Variants in CNTRL observed in about 807,000 individuals in gnomAD.
The protein encoded by CNTRL is 110 kDa centrosomal protein.
CNTRL carries 233 observed loss-of-function variants against 303.7 expected under a neutral mutation model. The observed-to-expected ratio is 0.77, with a 90% CI of 0.69 to 0.86. CNTRL has a LOEUF of 0.86. Among genes scored for constraint, CNTRL ranks in the 40% least tolerant of loss-of-function variants. CNTRL has a pLI of 0.00. For missense variants in CNTRL, 2,524 were observed against 2,650.6 expected, an observed-to-expected ratio of 0.95 and a Z score of 1.05; for synonymous variants, 900 against 922.2, an observed-to-expected ratio of 0.98 and a Z score of 0.44.
In CNTRL at chr9:121,177,367, A is replaced by G; in HGVS notation, c.*181A>G. The G allele has an allele frequency of 3.9e-6, 2 of 511,312 alleles. No individual in the cohort carries two copies. The highest frequency in any genetic ancestry group is 3.3e-5 in the East Asian group (1 of 30,256). 31.7% of individuals were successfully genotyped at this position (511,312 alleles called of 1,614,324 possible). On this transcript the variant is annotated 3_prime_UTR_variant, in exon 44 of 44. Coordinates refer to ENST00000373855, the MANE Select transcript of CNTRL (RefSeq NM_007018.6). ...ATGTTTTTATAAATCACTTGTACAT[A>G]GTACATATGGGAATAGTTGCATATG...
rs543170814 is a variant in CNTRL at position 121,122,704 on chromosome 9, CT to C, written c.1651-1226del. On this transcript the variant is annotated intron_variant, in intron 12 of 43. Coordinates refer to ENST00000373855, the MANE Select transcript of CNTRL (RefSeq NM_007018.6). ...TTTGATGGATCTGAAATTCAGTTTT[CT>C]CATGTTTAAAAGGAAGGGTTAGACT... is the stretch of plus-strand genomic sequence containing the variant. Among the ~76,000 whole-genome samples, 384 of 152,210 alleles carry C rather than the reference CT, an allele frequency of 2.5e-3. 1 individual carries two copies. The highest frequency in any genetic ancestry group is 4.3e-3 in the Non-Finnish European group (295 of 68,006).
At position 121,104,088 on chromosome 9, in the gene CNTRL, C is replaced by T. The variant is rs111999255; in HGVS notation, c.809-3714C>T. On this transcript the variant is annotated intron_variant, in intron 7 of 43. Coordinates refer to ENST00000373855, the MANE Select transcript of CNTRL (RefSeq NM_007018.6). ...GACACACGCACACATATGTTTATTG[C>T]GGCACTATTCACAATAGCGAAGACT... Among the ~76,000 whole-genome samples the T allele has an allele frequency of 1.2e-3, 185 of 152,252 alleles. 1 individual carries two copies. Among genetic ancestry groups the T allele is most frequent in the East Asian group, 3.1e-3 (16 of 5,186 alleles).
At chr9:121,105,270 AAGAT>A (rs1393764719) in intron 7 of CNTRL, among the ~76,000 whole-genome samples, 1 of 152,220 alleles carries the variant, frequency 6.6e-6, no homozygotes, top group Admixed American at 6.5e-5. Flanking sequence ...GTGGAAATGA[AAGAT>A]AGATGGATCA....
chr9:121,175,051 G>T lies in CNTRL; in HGVS notation c.6781G>T (p.Glu2261Ter). The change falls in exon 43 of 44, where the codon GAA becomes TAA. Residue 2261 changes from glutamate to a stop codon, truncating the protein, a stop_gained. Coordinates refer to ENST00000373855, the MANE Select transcript of CNTRL (RefSeq NM_007018.6). LOFTEE classifies it high-confidence loss of function. Reference sequence around the variant, plus strand: ...CCGACACTGTATGTCCAAGCAAGCAGAAGTATTAATTAAAGGAAAGCGGCA... The same window carrying T: ...CCGACACTGTATGTCCAAGCAAGCATAAGTATTAATTAAAGGAAAGCGGCA... ...QLRHCMSKQA[E>*]VLIKGKRQTE... 6.2e-7 allele frequency: 1 copy of T among 1,613,812 alleles called. No individual in the cohort carries two copies. Among genetic ancestry groups the T allele is most frequent in the Non-Finnish European group, 8.5e-7 (1 of 1,179,934 alleles).
chr9:121,131,928 A>C (rs1329462564), intron 14 of CNTRL, among the ~76,000 whole-genome samples: 1 of 152,160 alleles, frequency 6.6e-6, no homozygotes, highest in Non-Finnish European at 1.5e-5. Context: ...CTGGGTTGAA[A>C]ATTATTTTCT....
Position 121,075,087 on chromosome 9 carries a change from G to A in CNTRL, c.-205+20G>A, listed in dbSNP as rs2047856839. Reference sequence around the variant, plus strand: ...TAGGCGGTGAGCGTCAGACCTGGCCGAGCCCGTTCCCCGGCATCCGGCCCG... The same window carrying A: ...TAGGCGGTGAGCGTCAGACCTGGCCAAGCCCGTTCCCCGGCATCCGGCCCG... On this transcript the variant is annotated intron_variant, in intron 1 of 43. Transcript: ENST00000373855. The A allele has an allele frequency of 5.2e-6, 2 of 382,334 alleles. No individual in the cohort carries two copies. Among genetic ancestry groups the A allele is most frequent in the African/African-American group, 2.1e-5 (1 of 47,926 alleles). The allele number at this position is 382,334 out of a possible 1,614,324, so 23.7% of individuals were successfully genotyped here.
Position 121,150,218 on chromosome 9 carries a change from A to G in CNTRL, c.3698A>G (p.Gln1233Arg), listed in dbSNP as rs1447640941. The stretch of plus-strand genomic sequence containing the variant: ...CAGGAAGAGAGTGAGCTGGATGACC[A>G]AGAAGAACCCCCATTTGTGCCTCCT... ...DSQEESELDD[Q>R]EEPPFVPPPG... The change falls in exon 25 of 44, where the codon CAA becomes CGA. Residue 1233 changes from glutamine to arginine, a missense_variant. Coordinates refer to ENST00000373855, the MANE Select transcript of CNTRL (RefSeq NM_007018.6). 6.2e-7 allele frequency: 1 copy of G among 1,613,906 alleles called. No individual in the cohort carries two copies. Among genetic ancestry groups the G allele is most frequent in the East Asian group, 2.2e-5 (1 of 44,858 alleles).
intron 8 of CNTRL, chr9:121,110,944 C>T (rs1157587387): frequency 1.3e-5 from 2 of 152,088 alleles, no homozygotes; most frequent in African/African-American, 2.4e-5. Flanking sequence ...CACAAAAGTA[C>T]TTTGAAATGC....
intron 2 of CNTRL, among the ~76,000 whole-genome samples, chr9:121,085,312 A>T (rs1464904459): frequency 6.6e-6 from 1 of 152,174 alleles, no homozygotes; most frequent in East Asian, 1.9e-4. Flanking sequence ...CTGTTTCTTT[A>T]CCTGGATGCT....
In CNTRL at chr9:121,150,438, C is replaced by G; in HGVS notation, c.3918C>G (p.Ile1306Met). Residue 1306 changes from isoleucine (I) to methionine (M), a missense_variant, in exon 25 of 44, where the codon ATC becomes ATG. Transcript: ENST00000373855. ...PPPPNFSIPF[I>M]PMGVLHCNVP... ...CCCCCAACTTCTCCATCCCCTTCAT[C>G]CCTATGGGTGTGCTGCATTGCAACG... is the stretch of plus-strand genomic sequence containing the variant. 1 of 1,614,190 alleles carries G rather than the reference C, an allele frequency of 6.2e-7. No individual in the cohort carries two copies. Among genetic ancestry groups the G allele is most frequent in the Non-Finnish European group, 8.5e-7 (1 of 1,180,034 alleles).
chr9:121,168,464 C>T, intron 38 of CNTRL, 143 bp downstream of exon 38: 1 of 660,310 alleles, frequency 1.5e-6, no homozygotes, highest in South Asian at 2.0e-5. Context: ...GTATGATAGC[C>T]CTGTGAAAGA....
Position 121,074,976 on chromosome 9 carries a change from T to C in CNTRL, c.-296T>C, listed in dbSNP as rs1396947872. Reference sequence around the variant, plus strand: ...CGGCAACCGGCACAACACAACAAAATGGCTGCCGCGCCGCTGGGCCCCTGA... The same window carrying C: ...CGGCAACCGGCACAACACAACAAAACGGCTGCCGCGCCGCTGGGCCCCTGA... On this transcript the variant is annotated 5_prime_UTR_variant, in exon 1 of 44. It removes an upstream start codon present in the reference 5' UTR. Coordinates refer to ENST00000373855, the MANE Select transcript of CNTRL (RefSeq NM_007018.6). 1 of 455,850 alleles carries C rather than the reference T, an allele frequency of 2.2e-6. No individual in the cohort carries two copies. The highest frequency in any genetic ancestry group is 2.3e-5 in the Admixed American group (1 of 42,558). 28.2% of individuals were successfully genotyped at this position (455,850 alleles called of 1,614,324 possible).
At position 121,138,675 on chromosome 9, in the gene CNTRL, T is replaced by C; in HGVS notation, c.2333T>C (p.Leu778Ser). 1 of 1,613,254 alleles carries C rather than the reference T, an allele frequency of 6.2e-7. No homozygotes were observed. The highest frequency in any genetic ancestry group is 8.5e-7 in the Non-Finnish European group (1 of 1,179,588). ...GAGCTCCATGCAAAACTTAAACACT[T>C]GCAGGTAGAGATTTGTTGTTTTAGA... ...NSELHAKLKHLQDDNNLLKQQ... is the reference protein window; with the variant it reads ...NSELHAKLKHSQDDNNLLKQQ... Residue 778 changes from leucine to serine, a missense_variant, in exon 16 of 44, where the codon TTG becomes TCG. Coordinates refer to ENST00000373855, the MANE Select transcript of CNTRL (RefSeq NM_007018.6).
intron 37 of CNTRL, 79 bp downstream of exon 37, chr9:121,167,756 G>T: frequency 7.8e-7 from 1 of 1,287,896 alleles, no homozygotes; most frequent in Admixed American, 2.0e-5. Flanking sequence ...GCAGAAAGCT[G>T]CTGAGAAATA....
chr9:121,076,361 C>T (rs1395177080), intron 1 of CNTRL, among the ~76,000 whole-genome samples: 1 of 151,956 alleles, frequency 6.6e-6, no homozygotes, highest in East Asian at 1.9e-4. Flanking sequence ...AGAGGGGATT[C>T]AGGCTTTTAA....
Position 121,154,644 on chromosome 9 carries a change from T to G in CNTRL, c.4173-77T>G, listed in dbSNP as rs1262670188. ...TAAAATTAGAAAATCATTGTAGATC[T>G]TTTTAGTAGTTAGGCTACAAGTATC... On this transcript the variant is annotated intron_variant, in intron 26 of 43. Transcript: ENST00000373855. 4.8e-5 allele frequency: 39 copies of G among 811,384 alleles called. No homozygotes were observed. In the Admixed American group the frequency reaches 9.9e-4, roughly 21 times the overall value. The allele number at this position is 811,384 out of a possible 1,614,324, so 50.3% of individuals were successfully genotyped here. A position where few individuals can be genotyped will look rare whatever the true frequency, so the allele number is the denominator to read the frequency against.
intron 7 of CNTRL, among the ~76,000 whole-genome samples, chr9:121,103,322 G>A (rs980839754): frequency 6.6e-5 from 10 of 152,322 alleles, no homozygotes; most frequent in African/African-American, 2.4e-4. Context: ...TTAATAAATG[G>A]TGATGGGAAA....
intron 1 of CNTRL, among the ~76,000 whole-genome samples, chr9:121,079,416 C>G (rs1437463371): frequency 6.6e-6 from 1 of 152,052 alleles, no homozygotes; most frequent in Non-Finnish European, 1.5e-5. Context: ...GCCTGTAATC[C>G]TAACACTTTG....
chr9:121,158,893 G>A lies in CNTRL; in HGVS notation c.4803G>A (p.Arg1601=). Residue 1601 remains arginine (R), a synonymous_variant, in exon 31 of 44, where the codon AGG becomes AGA. Transcript: ENST00000373855. Reference sequence around the variant, plus strand: ...AGCAGGAGATGGCTGTCTTGGACAGGCAGTTAGGGCATAAAAAGGAGGAGC... The same window carrying A: ...AGCAGGAGATGGCTGTCTTGGACAGACAGTTAGGGCATAAAAAGGAGGAGC... ...SQQQEMAVLD[R]QLGHKKEELH... 1 of 1,614,104 alleles carries A rather than the reference G, an allele frequency of 6.2e-7. No individual in the cohort carries two copies.
Sources: gnomAD v4.1 joint callset for allele counts (sites outside exome capture counted in the v4.1 genomes callset) on GRCh38, gnomAD v4.1.1 for gene constraint, MANE v1.5 for transcripts, NCBI Gene and HGNC (gene_info 2026-07-23, HGNC 2026-07-21) for gene names.